PABPC1L: variants seen among roughly 807,000 people sequenced by gnomAD.
PABPC1L encodes polyadenylate-binding protein 1-like.
A neutral mutation model predicts 66.6 loss-of-function variants in PABPC1L; 31 were observed. That is an observed-to-expected ratio of 0.47 (90% CI 0.35 to 0.63). PABPC1L has a LOEUF of 0.63. Ranked by LOEUF, PABPC1L falls within the 20% of genes least tolerant of loss-of-function variation. The pLI, the probability that PABPC1L is intolerant of heterozygous loss-of-function variation, is 0.00. For synonymous variants in PABPC1L, 348 were observed against 335.1 expected, an observed-to-expected ratio of 1.04 and a Z score of -0.42; for missense variants, 722 against 848.8, an observed-to-expected ratio of 0.85 and a Z score of 1.86.
At chr20:44,937,067 G>GT (rs1334064648) in intron 12 of PABPC1L, 1 of 481,932 alleles carries the variant, frequency 2.1e-6, no homozygotes, top group Non-Finnish European at 4.2e-6. Context: ...TGGCTTGTAG[G>GT]TGGGGGGTTA....
chr20:44,916,494 G>A (rs766145489), intron 2 of PABPC1L, among the ~76,000 whole-genome samples: 12 of 152,060 alleles, frequency 7.9e-5, no homozygotes, highest in South Asian at 2.1e-4. Context: ...GGCTGGTCTC[G>A]AACTCCTGAC....
In PABPC1L at chr20:44,910,152, C is replaced by T; in HGVS notation, c.9C>T (p.Ala3=). The stretch of plus-strand genomic sequence containing the variant: ...CCGGCCCCCTGCCCACCATGAACGC[C>T]AGCGGTTCTGGCTACCCGCTTGCCT... MN[A]SGSGYPLASL... The change falls in exon 1 of 15, where the codon GCC becomes GCT. Residue 3 remains alanine, a synonymous_variant. Coordinates refer to ENST00000217073, the MANE Select transcript of PABPC1L (RefSeq NM_001372179.1). 6.4e-7 allele frequency: 1 copy of T among 1,565,164 alleles called. No individual in the cohort carries two copies. Among genetic ancestry groups the T allele is most frequent in the Non-Finnish European group, 8.7e-7 (1 of 1,155,376 alleles).
At chr20:44,935,106 TA>T (rs2066891288) in intron 10 of PABPC1L, among the ~76,000 whole-genome samples, 1 of 151,388 alleles carries the variant, frequency 6.6e-6, no homozygotes, top group Non-Finnish European at 1.5e-5. Flanking sequence ...TTTGTACAAA[TA>T]GCTCTTTGAA....
Position 44,912,832 on chromosome 20 carries a change from T to C in PABPC1L, c.366T>C (p.Phe122=). The C allele has an allele frequency of 3.7e-6, 6 of 1,613,956 alleles. No individual in the cohort carries two copies. The highest frequency in any genetic ancestry group is 5.1e-6 in the Non-Finnish European group (6 of 1,179,886). The part of the protein sequence containing the change: ...NKALYDTFST[F]GNILSCKVAC... ...CTTTATATGATACCTTCTCCACCTT[T>C]GGGAACATCCTCTCTTGCAAGGTAG... The change falls in exon 2 of 15, where the codon TTT becomes TTC. Residue 122 remains phenylalanine, a synonymous_variant. Coordinates refer to ENST00000217073, the MANE Select transcript of PABPC1L (RefSeq NM_001372179.1).
rs74441069 is a variant in PABPC1L, at chr20:44,917,556, G to A, written c.503+685G>A. On this transcript the variant is annotated intron_variant, in intron 3 of 14. Transcript: ENST00000217073. ...TGAGATTTTGGCAGAAAGAAAAGTA[G>A]GCATATGCTAAGCCTGCCCTCATCA... 6.5e-3 allele frequency among the ~76,000 whole-genome samples: 990 copies of A among 152,148 alleles called. 3 individuals are homozygous for A. Among genetic ancestry groups the A allele is most frequent in the Non-Finnish European group, 0.012 (785 of 67,984 alleles).
Position 44,921,724 on chromosome 20 carries a change from G to A in PABPC1L, c.869G>A (p.Arg290His), listed in dbSNP as rs904574581. The change falls in exon 6 of 15, where the codon CGT becomes CAT. Residue 290 changes from arginine (R) to histidine (H), a missense_variant. Arg to His is a conservative substitution (Grantham distance 29, BLOSUM62 0). Coordinates refer to ENST00000217073, the MANE Select transcript of PABPC1L (RefSeq NM_001372179.1). ...FEQMKQDRLR[R>H]YQGVNLYVKN... ...CAGATGAAGCAGGACCGGCTGAGGC[G>A]TTACCAGGTGAGGTCAGGCTTCCTG... 33 of 1,613,260 alleles carry A rather than the reference G, an allele frequency of 2.0e-5. No individual in the cohort carries two copies. Among genetic ancestry groups the A allele is most frequent in the East Asian group, 4.5e-5 (2 of 44,744 alleles).
In PABPC1L at chr20:44,935,412, C is replaced by T. The variant is rs757622032; in HGVS notation, c.1481C>T (p.Thr494Ile). 19 of 1,614,032 alleles carry T rather than the reference C, an allele frequency of 1.2e-5. No homozygotes were observed. The African/African-American group carries it at 2.4e-4, about 20-fold the overall frequency. Residue 494 changes from threonine (T) to isoleucine (I), a missense_variant, in exon 11 of 15, where the codon ACA becomes ATA. Coordinates refer to ENST00000217073, the MANE Select transcript of PABPC1L (RefSeq NM_001372179.1). ...QRVANIGTQT[T>I]GPSGVGCCTP... is the part of the protein sequence containing the mutation. ...GCAGCCAACATTGGTACTCAGACCA[C>T]AGGACCCAGTGGGGTAGGATGCTGT...
At chr20:44,932,230 C>T in intron 8 of PABPC1L, 112 bp from the exon 9 acceptor site, 1 of 724,732 alleles carries the variant, frequency 1.4e-6, no homozygotes, top group Non-Finnish European at 2.2e-6. Flanking sequence ...TCTTGACTCA[C>T]CAGTCCCTGC....
chr20:44,937,972 A>T (rs371351915), intron 12 of PABPC1L, 89 bp from the exon 13 acceptor site: 2 of 1,567,810 alleles, frequency 1.3e-6, no homozygotes, highest in Admixed American at 2.0e-5. Context: ...AAGAACCCAG[A>T]TGTCCTCAGT....
chr20:44,921,498 C>A, intron 5 of PABPC1L, 96 bp from the exon 6 acceptor site: 1 of 1,511,576 alleles, frequency 6.6e-7, no homozygotes, highest in South Asian at 1.3e-5. Context: ...TGTGGCCAGC[C>A]TGGTTTGCAG....
At chr20:44,912,573 C>A in intron 1 of PABPC1L, 87 bp from the exon 2 acceptor site, 2 of 1,157,978 alleles carry the variant, frequency 1.7e-6, no homozygotes, top group African/African-American at 1.5e-5. Flanking sequence ...TCTTTATTGG[C>A]TCCCAGTTAA....
rs532380809 is a variant in PABPC1L at position 44,934,924 on chromosome 20, C to T, written c.1460-467C>T. On this transcript the variant is annotated intron_variant, in intron 10 of 14. Coordinates refer to ENST00000217073, the MANE Select transcript of PABPC1L (RefSeq NM_001372179.1). ...CTCTACTAAAAATACAAAAATTAGCCGGACGTGGTGGCATGTGCTTGTAAT... is the reference window on the plus strand; with the variant it reads ...CTCTACTAAAAATACAAAAATTAGCTGGACGTGGTGGCATGTGCTTGTAAT... Among the ~76,000 whole-genome samples the T allele has an allele frequency of 3.0e-4, 45 of 152,082 alleles. No homozygotes were observed. The South Asian group carries it at 8.9e-3, about 30-fold the overall frequency.
At chr20:44,938,578 C>A (rs903543343) in intron 13 of PABPC1L, 96 bp from the exon 14 acceptor site, 1 of 1,402,154 alleles carries the variant, frequency 7.1e-7, no homozygotes, top group Non-Finnish European at 9.8e-7. Flanking sequence ...GGAGGAGGAT[C>A]CTGTATCCAG....
intron 6 of PABPC1L, among the ~76,000 whole-genome samples, chr20:44,922,754 A>G (rs929410211): frequency 6.6e-6 from 1 of 152,218 alleles, no homozygotes; most frequent in Non-Finnish European, 1.5e-5. Context: ...ACACGCACAC[A>G]TACTCAGTAG....
rs200290235 is a variant in PABPC1L, at chr20:44,930,655, C to T, written c.1168C>T (p.Arg390Trp). Residue 390 changes from arginine to tryptophan, a missense_variant, in exon 8 of 15, where the codon CGG (arginine) becomes TGG (tryptophan). Around this residue, in one of 3 missense-constraint regions of PABPC1L, gnomAD observed 301 missense variants for 337.2 expected, o/e 0.89. Coordinates refer to ENST00000217073, the MANE Select transcript of PABPC1L (RefSeq NM_001372179.1). ...NQYMQRLSTMRTLSNPLLGSF... is the reference protein window; with the variant it reads ...NQYMQRLSTMWTLSNPLLGSF... ...GTACATGCAGCGCCTCTCCACCATG[C>T]GGACCCTGAGCAACCCCCTCCTGGG... 18 of 1,614,104 alleles carry T rather than the reference C, an allele frequency of 1.1e-5. No individual in the cohort carries two copies. The highest frequency in any genetic ancestry group is 2.2e-5 in the South Asian group (2 of 91,094).
Position 44,933,041 on chromosome 20 carries a change from G to A in PABPC1L, c.1331-16G>A, listed in dbSNP as rs748535409. Reference sequence around the variant, plus strand: ...TCCATCCAACTTTTCTCTCTCTGTGGTGTCTGCACCACAAGCTGCCTACCC... The same window carrying A: ...TCCATCCAACTTTTCTCTCTCTGTGATGTCTGCACCACAAGCTGCCTACCC... On this transcript the variant is annotated splice_polypyrimidine_tract_variant and intron_variant, in intron 9 of 14. Transcript: ENST00000217073. 4.6e-6 allele frequency: 7 copies of A among 1,532,744 alleles called. No individual in the cohort carries two copies. The highest frequency in any genetic ancestry group is 6.2e-6 in the Non-Finnish European group (7 of 1,126,652). The allele number at this position is 1,532,744 out of a possible 1,614,324, so 94.9% of individuals were successfully genotyped here. A position where few individuals can be genotyped will look rare whatever the true frequency, so the allele number is the denominator to read the frequency against.
chr20:44,923,846 T>G (rs1342797471), intron 6 of PABPC1L, among the ~76,000 whole-genome samples: 2 of 152,174 alleles, frequency 1.3e-5, no homozygotes, highest in Admixed American at 6.5e-5. Context: ...GGGCATGCTC[T>G]GCACCTCAGC....
chr20:44,932,224 G>A (rs919981127), intron 8 of PABPC1L, 118 bp from the exon 9 acceptor site: 3 of 668,232 alleles, frequency 4.5e-6, no homozygotes, highest in Non-Finnish European at 7.4e-6. Context: ...TGTGGGTCTT[G>A]ACTCACCAGT....
intron 13 of PABPC1L, 34 bp downstream of exon 13, chr20:44,938,225 G>C: frequency 1.2e-6 from 2 of 1,605,288 alleles, no homozygotes; most frequent in Non-Finnish European, 8.5e-7. Flanking sequence ...GGAGCCCGAG[G>C]GGGCAGGAGG....
Sources: allele counts gnomAD v4.1 joint callset (sites outside exome capture counted in the v4.1 genomes callset), GRCh38; gene constraint gnomAD v4.1.1; regional missense constraint gnomAD v4.1.1; transcripts MANE v1.5; gene names NCBI Gene and HGNC (gene_info 2026-07-23, HGNC 2026-07-21).